The following TESPA1 variants were observed in gnomAD, a reference collection of about 807,000 sequenced individuals.
TESPA1 encodes protein TESPA1.
A neutral mutation model predicts 57.9 loss-of-function variants in TESPA1; 33 were observed. The observed-to-expected ratio is 0.57, with a 90% CI of 0.43 to 0.76. TESPA1 has a LOEUF of 0.76. TESPA1 is among the 30% of genes least tolerant of loss of function. The pLI is 0.00. For synonymous variants in TESPA1, 227 were observed against 228.9 expected (o/e 0.99, Z 0.07); for missense variants, 618 against 632.9 (o/e 0.98, Z 0.25).
chr12:54,968,065 A>G, intron 3 of TESPA1, 173 bp from the exon 4 acceptor site: 1 of 1,500,758 alleles, frequency 6.7e-7, no homozygotes, highest in Non-Finnish European at 8.9e-7. Context: ...TGAAAAATTC[A>G]TAGAAGTAGT....
chr12:54,957,298 C>A (rs1950792778), intron 10 of TESPA1, among the ~76,000 whole-genome samples: 1 of 152,138 alleles, frequency 6.6e-6, no homozygotes, highest in South Asian at 2.1e-4. Context: ...CCACTACTAA[C>A]AAGTAGTAGT....
chr12:54,967,941 A>G (rs763961164), intron 3 of TESPA1, 49 bp from the exon 4 acceptor site: 5 of 1,611,766 alleles, frequency 3.1e-6, no homozygotes, highest in Middle Eastern at 1.7e-4. Flanking sequence ...TACATTTTCC[A>G]AGGAGCTTTT....
intron 1 of TESPA1, chr12:54,983,867 C>T (rs190550032): frequency 1.3e-5 from 2 of 152,238 alleles, no homozygotes; most frequent in African/African-American, 4.8e-5. Flanking sequence ...CATGAAGCCC[C>T]CAATATTATG....
intron 8 of TESPA1, among the ~76,000 whole-genome samples, chr12:54,963,480 C>T (rs7973023): frequency 0.36 from 54,761 of 152,046 alleles, 12,702 homozygotes; most frequent in East Asian, 0.89. Context: ...GATTTATAGA[C>T]ATCATGCTGA....
At chr12:54,961,771 G>C (rs915568763) in intron 9 of TESPA1, among the ~76,000 whole-genome samples, 2 of 152,220 alleles carry the variant, frequency 1.3e-5, no homozygotes, top group South Asian at 2.1e-4. Flanking sequence ...CCTGATGACT[G>C]TTCTCTCAAG....
rs1458656943 is a variant in TESPA1 at position 54,964,804 on chromosome 12, C to CT, written c.447-855dup. Among the ~76,000 whole-genome samples, 3 of 152,224 alleles carry CT rather than the reference C, an allele frequency of 2.0e-5. No individual in the cohort carries two copies. In the East Asian group the frequency reaches 5.8e-4, roughly 29 times the overall value. ...TCTCCATGGTCCTAAGTTTCCCTAT[C>CT]TGTGAATTGTGGGCGTAAAACTGGA... On this transcript the variant is annotated intron_variant, in intron 7 of 10. Transcript: ENST00000449076.
chr12:54,985,049 C>T (rs1445003845), upstream of TESPA1, among the ~76,000 whole-genome samples: 1 of 152,170 alleles, frequency 6.6e-6, no homozygotes, highest in East Asian at 1.9e-4. Flanking sequence ...TCCTTCTGTC[C>T]TCAGGAGAGC....
intron 3 of TESPA1, among the ~76,000 whole-genome samples, chr12:54,972,163 C>T (rs7316195): frequency 0.23 from 34,994 of 152,128 alleles, 5,071 homozygotes; most frequent in East Asian, 0.68. Flanking sequence ...ACCAGACCAC[C>T]TTTTTGTCAT....
intron 1 of TESPA1, among the ~76,000 whole-genome samples, chr12:54,978,905 C>T (rs1312155882): frequency 6.6e-6 from 1 of 152,218 alleles, no homozygotes; most frequent in African/African-American, 2.4e-5. Context: ...CTTGTAACTT[C>T]TCCCCTAAAC....
At chr12:54,965,165 C>T (rs185920879) in intron 7 of TESPA1, among the ~76,000 whole-genome samples, 53 of 152,052 alleles carry the variant, frequency 3.5e-4, no homozygotes, top group African/African-American at 9.7e-4. Flanking sequence ...GCTATTTGTC[C>T]GCTTCATCTT....
chr12:54,962,843 T>G lies in TESPA1; in HGVS notation c.1055A>C (p.Lys352Thr), dbSNP rs1565841727. The G allele has an allele frequency of 6.2e-7, 1 of 1,613,870 alleles. No individual in the cohort carries two copies. The highest frequency in any genetic ancestry group is 2.2e-5 in the East Asian group (1 of 44,852). Residue 352 changes from lysine to threonine, a missense_variant, in exon 9 of 11, where the codon AAG becomes ACG. Transcript: ENST00000449076. ...ACATGGATAGGGAGAAGTGGGCAAC[T>G]TCTTACCCTCAGCAGGGGGCACAGG... is the stretch of plus-strand genomic sequence containing the variant. ...EDPVPPAEGKKLPTSPYPCVF... is the reference protein window; with the variant it reads ...EDPVPPAEGKTLPTSPYPCVF...
At position 54,963,009 on chromosome 12, in the gene TESPA1, G is replaced by T. The variant is rs764857918; in HGVS notation, c.889C>A (p.Arg297=). The change falls in exon 9 of 11, where the codon CGA becomes AGA. Residue 297 remains arginine (R), a synonymous_variant. Coordinates refer to ENST00000449076, the MANE Select transcript of TESPA1 (RefSeq NM_001136030.3). ...TTGTGGGGTGGTGGTGGCCGGTCTC[G>T]GGGGCATGTGTACAGACACATCTTG... ...ISKMCLYTCP[R]DRPPPPHNTP... The T allele has an allele frequency of 1.2e-6, 2 of 1,613,774 alleles. No homozygotes were observed. The highest frequency in any genetic ancestry group is 1.7e-6 in the Non-Finnish European group (2 of 1,179,848).
At chr12:54,983,486 T>G (rs904701486) in intron 1 of TESPA1, among the ~76,000 whole-genome samples, 2 of 152,178 alleles carry the variant, frequency 1.3e-5, no homozygotes, top group South Asian at 4.1e-4. Flanking sequence ...GTCTGATACT[T>G]GGACACACAA....
At chr12:54,980,019 G>C (rs1348684563) in intron 1 of TESPA1, among the ~76,000 whole-genome samples, 2 of 152,068 alleles carry the variant, frequency 1.3e-5, no homozygotes, top group East Asian at 3.9e-4. Flanking sequence ...TTTGTCCAAG[G>C]CCACATCCCT....
chr12:54,950,967 C>G (rs1160458923), intron 10 of TESPA1, among the ~76,000 whole-genome samples: 1 of 151,816 alleles, frequency 6.6e-6, no homozygotes, highest in Non-Finnish European at 1.5e-5. Context: ...TCCCTTTAAT[C>G]TCAGAGAAAT....
chr12:54,961,239 C>T lies in TESPA1; in HGVS notation c.1496G>A (p.Ser499Asn). The T allele has an allele frequency of 6.2e-7, 1 of 1,613,988 alleles. No individual in the cohort carries two copies. The highest frequency in any genetic ancestry group is 8.5e-7 in the Non-Finnish European group (1 of 1,179,876). Residue 499 changes from serine (S) to asparagine (N), a missense_variant, in exon 10 of 11, where the codon AGT (serine) becomes AAT (asparagine). Physicochemically the swap from Ser to Asn is conservative, Grantham distance 46. Around this residue, in one of 3 missense-constraint regions of TESPA1, gnomAD observed 409 missense variants for 420.1 expected, o/e 0.97. Transcript: ENST00000449076. Reference protein sequence around the residue: ...EVQSNSEEEQSQSRWPSRPRH... With the variant: ...EVQSNSEEEQNQSRWPSRPRH... The stretch of plus-strand genomic sequence containing the variant: ...GGGTCTGCTGGGCCAGCGACTCTGA[C>T]TCTGCTCCTCCTCACTGTTGCTTTG...
At chr12:54,974,204 T>G (rs574877793) in intron 2 of TESPA1, among the ~76,000 whole-genome samples, 196 bp downstream of exon 2, 2 of 152,350 alleles carry the variant, frequency 1.3e-5, no homozygotes, top group Admixed American at 6.5e-5. Context: ...TTCCTAATCT[T>G]ATGCCTGTCT....
chr12:54,962,629 G>A lies in TESPA1; in HGVS notation c.1269C>T (p.Thr423=). 2 of 1,613,828 alleles carry A rather than the reference G, an allele frequency of 1.2e-6. No individual in the cohort carries two copies. The highest frequency in any genetic ancestry group is 1.1e-5 in the South Asian group (1 of 91,068). Reference sequence around the variant, plus strand: ...AGAAAGTCTCATCCTTGGCTGGATGGGTTTCCGTATTGGTGGCTGGTAGAC... The same window carrying A: ...AGAAAGTCTCATCCTTGGCTGGATGAGTTTCCGTATTGGTGGCTGGTAGAC... ...LCSLPATNTE[T]HPAKDETFWK... Residue 423 remains threonine (T), a synonymous_variant, in exon 9 of 11, where the codon ACC becomes ACT. Transcript: ENST00000449076.
At chr12:54,975,486 G>C (rs892147786) in intron 1 of TESPA1, among the ~76,000 whole-genome samples, 1 of 151,914 alleles carries the variant, frequency 6.6e-6, no homozygotes, top group Non-Finnish European at 1.5e-5. Context: ...TGTCCAAATA[G>C]AGCTTAAAAA....
Sources: gnomAD v4.1 joint callset for allele counts (sites outside exome capture counted in the v4.1 genomes callset) on GRCh38, gnomAD v4.1.1 for gene constraint, gnomAD v4.1.1 regional missense constraint, MANE v1.5 for transcripts, NCBI Gene and HGNC (gene_info 2026-07-23, HGNC 2026-07-21) for gene names.